SAMD4A: variants seen among roughly 807,000 people sequenced by gnomAD.
The protein encoded by SAMD4A is protein Smaug homolog 1.
Under a neutral mutation model 81.3 loss-of-function variants are expected in SAMD4A, and 33 were observed. The ratio of observed to expected loss-of-function variants is 0.41; its 90% confidence interval spans 0.31 to 0.54. SAMD4A has a LOEUF of 0.54. Among genes scored for constraint, SAMD4A ranks in the 20% least tolerant of loss-of-function variants. The probability of loss-of-function intolerance (pLI) is 0.37; values close to 1 mark genes in which losing one functional copy is unlikely to be tolerated. For missense variants in SAMD4A, 854 were observed against 951.1 expected (o/e 0.90, Z 1.34); for synonymous variants, 389 against 382.1 (o/e 1.02, Z -0.21).
intron 3 of SAMD4A, among the ~76,000 whole-genome samples, chr14:54,732,430 A>G (rs1369489837): frequency 6.6e-6 from 1 of 152,152 alleles, no homozygotes; most frequent in African/African-American, 2.4e-5. Flanking sequence ...GCATTACTAA[A>G]TTATATTCTT....
At chr14:54,632,132 A>C (rs1004842673) in intron 2 of SAMD4A, among the ~76,000 whole-genome samples, 16 of 152,220 alleles carry the variant, frequency 1.1e-4, no homozygotes, top group Admixed American at 9.8e-4. Context: ...GCCCCACTAC[A>C]AAGAAAAACC....
At chr14:54,660,146 A>G (rs1443311182) in intron 2 of SAMD4A, among the ~76,000 whole-genome samples, 1 of 152,002 alleles carries the variant, frequency 6.6e-6, no homozygotes, top group Non-Finnish European at 1.5e-5. Flanking sequence ...GGTGTATCTA[A>G]TCTCCCAGAC....
intron 6 of SAMD4A, among the ~76,000 whole-genome samples, chr14:54,757,924 C>T (rs1347443673): frequency 1.3e-5 from 2 of 152,154 alleles, no homozygotes; most frequent in African/African-American, 4.8e-5. Context: ...CTCCCTGTGC[C>T]TGCACTGGTC....
chr14:54,724,008 G>GGAAGGAAGGAAGGAAGAAGGAAGGAA lies in SAMD4A; in HGVS notation c.716-13000_716-12999insAAGGAAGGAAGAAGGAAGGAAGGAAG, dbSNP rs748583107. Reference sequence around the variant, plus strand: ...GCAAATATTGGATGGATGGATGGATGGAAGGAAGGAAGGAAGGAAGGAAGG... The same window carrying GGAAGGAAGGAAGGAAGAAGGAAGGAA: ...GCAAATATTGGATGGATGGATGGATGGAAGGAAGGAAGGAAGAAGGAAGGAAGAAGGAAGGAAGGAAGGAAGGAAGG... On this transcript the variant is annotated intron_variant, in intron 3 of 12. Transcript: ENST00000554335. 1.3e-3 allele frequency among the ~76,000 whole-genome samples: 52 copies of GGAAGGAAGGAAGGAAGAAGGAAGGAA among 39,108 alleles called. 1 individual carries two copies. The highest frequency in any genetic ancestry group is 5.1e-3 in the East Asian group (6 of 1,188). 25.7% of individuals were successfully genotyped at this position (39,108 alleles called of 152,430 possible). A position where few individuals can be genotyped will look rare whatever the true frequency, so the allele number is the denominator to read the frequency against.
intron 2 of SAMD4A, among the ~76,000 whole-genome samples, chr14:54,602,639 G>A (rs1326763807): frequency 2.0e-5 from 3 of 151,670 alleles, no homozygotes; most frequent in Non-Finnish European, 4.4e-5. Context: ...ACACACCGGG[G>A]CCTGTTGTGG....
chr14:54,565,997 C>G (rs902138611), upstream of SAMD4A, among the ~76,000 whole-genome samples: 1 of 151,502 alleles, frequency 6.6e-6, no homozygotes, highest in Non-Finnish European at 1.5e-5. The surrounding 1 kb of genome is among the most constrained non-coding windows in gnomAD (Gnocchi z 5.4). Flanking sequence ...CCCCGCGTGC[C>G]GTCGCCGCCG....
At chr14:54,679,395 AAC>A (rs1490988231) in intron 2 of SAMD4A, among the ~76,000 whole-genome samples, 1 of 152,216 alleles carries the variant, frequency 6.6e-6, no homozygotes, top group African/African-American at 2.4e-5. Context: ...TTATATGAAA[AAC>A]AGTCTAGTCT....
chr14:54,705,841 G>C lies in SAMD4A; in HGVS notation c.715+3261G>C, dbSNP rs150096010. On this transcript the variant is annotated intron_variant, in intron 3 of 12. Coordinates refer to ENST00000554335, the MANE Select transcript of SAMD4A (RefSeq NM_015589.6). ...TTGGAGAGATATGATATATGAATCA[G>C]TATCACAATTAAAAATTAAATATTC... is the stretch of plus-strand genomic sequence containing the variant. 1.1e-4 allele frequency among the ~76,000 whole-genome samples: 17 copies of C among 152,302 alleles called. No homozygotes were observed. In the East Asian group the frequency reaches 3.3e-3, roughly 29 times the overall value.
intron 2 of SAMD4A, among the ~76,000 whole-genome samples, chr14:54,568,933 T>A (rs2033046853): frequency 6.6e-6 from 1 of 151,624 alleles, no homozygotes; most frequent in African/African-American, 2.4e-5. Context: ...GTATGGAAAG[T>A]GAATATAGTC....
At chr14:54,774,813 CAAA>C (rs546617416) in intron 9 of SAMD4A, 118 bp from the exon 10 acceptor site, 56,451 of 604,198 alleles carry the variant, frequency 0.093, 554 homozygotes, top group African/African-American at 0.22. Flanking sequence ...GACCCTGACT[CAAA>C]AAAAAAAAAA....
chr14:54,724,008 G>GGAAGGAAGGAAGGAC lies in SAMD4A; in HGVS notation c.716-13002_716-13001insCGAAGGAAGGAAGGA, dbSNP rs1555347524. On this transcript the variant is annotated intron_variant, in intron 3 of 12. Coordinates refer to ENST00000554335, the MANE Select transcript of SAMD4A (RefSeq NM_015589.6). ...GCAAATATTGGATGGATGGATGGAT[G>GGAAGGAAGGAAGGAC]GAAGGAAGGAAGGAAGGAAGGAAGG... Among the ~76,000 whole-genome samples the GGAAGGAAGGAAGGAC allele has an allele frequency of 8.7e-4, 34 of 39,112 alleles. No homozygotes were observed. The East Asian group carries it at 0.011, about 13-fold the overall frequency. 25.7% of individuals were successfully genotyped at this position (39,112 alleles called of 152,430 possible).
chr14:54,660,693 G>A (rs529563722), intron 2 of SAMD4A, among the ~76,000 whole-genome samples: 1 of 152,192 alleles, frequency 6.6e-6, no homozygotes, highest in South Asian at 2.1e-4. Context: ...TAAAAAAAAA[G>A]AGAGAGACTG....
At chr14:54,710,874 T>A (rs1048183693) in intron 3 of SAMD4A, among the ~76,000 whole-genome samples, 21 of 152,250 alleles carry the variant, frequency 1.4e-4, no homozygotes, top group Non-Finnish European at 2.5e-4. Context: ...TGGGATAATG[T>A]GTGGCTCAAA....
chr14:54,594,944 T>C (rs2033873791), intron 2 of SAMD4A, among the ~76,000 whole-genome samples: 1 of 152,234 alleles, frequency 6.6e-6, no homozygotes, highest in Admixed American at 6.5e-5. Context: ...ATTAATTATA[T>C]TGCTACCCTA....
At chr14:54,592,915 G>C (rs1048302007) in intron 2 of SAMD4A, among the ~76,000 whole-genome samples, 1 of 152,044 alleles carries the variant, frequency 6.6e-6, no homozygotes, top group African/African-American at 2.4e-5. Flanking sequence ...TAGGAATCAA[G>C]TACTTTATAC....
intron 12 of SAMD4A, among the ~76,000 whole-genome samples, chr14:54,787,670 G>A (rs539331636): frequency 5.3e-5 from 8 of 152,342 alleles, no homozygotes; most frequent in Middle Eastern, 6.8e-3. Context: ...ACTGAACGCA[G>A]TTATTCCTAC....
chr14:54,657,677 G>T (rs1160917832), intron 2 of SAMD4A, among the ~76,000 whole-genome samples: 1 of 152,180 alleles, frequency 6.6e-6, no homozygotes, highest in African/African-American at 2.4e-5. Flanking sequence ...CATGTAAAAT[G>T]ACCAGCAGTC....
chr14:54,655,019 C>T (rs1192574645), intron 2 of SAMD4A, among the ~76,000 whole-genome samples: 2 of 152,232 alleles, frequency 1.3e-5, no homozygotes, highest in Non-Finnish European at 2.9e-5. Flanking sequence ...GGACACCGCT[C>T]TTCCTTGGCT....
At chr14:54,602,233 C>T (rs958193346) in intron 2 of SAMD4A, among the ~76,000 whole-genome samples, 3 of 151,958 alleles carry the variant, frequency 2.0e-5, no homozygotes, top group African/African-American at 7.3e-5. Flanking sequence ...TGGGAAATCA[C>T]TGTACAAAGA....
Sources: gnomAD v4.1 joint callset for allele counts (sites outside exome capture counted in the v4.1 genomes callset) on GRCh38, gnomAD v4.1.1 for gene constraint, Gnocchi (gnomAD v3.1) non-coding constraint, MANE v1.5 for transcripts, NCBI Gene and HGNC (gene_info 2026-07-23, HGNC 2026-07-21) for gene names.